The following VRK1 variants were observed in gnomAD, a reference collection of about 807,000 sequenced individuals.
VRK1 encodes serine/threonine-protein kinase VRK1.
In VRK1, 33 loss-of-function variants were observed where a neutral mutation model predicts 57.1. The ratio of observed to expected loss-of-function variants is 0.58; its 90% CI spans 0.44 to 0.77. The LOEUF (loss-of-function observed/expected upper bound fraction) is 0.77. Among genes scored for constraint, VRK1 ranks in the 30% least tolerant of loss-of-function variants. The probability of loss-of-function intolerance (pLI) is 0.00; values close to 1 mark genes in which losing one functional copy is unlikely to be tolerated. For missense variants in VRK1, 413 were observed against 477.3 expected (o/e 0.87, Z 1.25); for synonymous variants, 137 against 147.8 (o/e 0.93, Z 0.53).
chr14:96,838,944 CTT>C (rs1887337741), intron 3 of VRK1, among the ~76,000 whole-genome samples: 9 of 152,162 alleles, frequency 5.9e-5, no homozygotes, highest in African/African-American at 2.2e-4. Flanking sequence ...AGTTTGAAGA[CTT>C]TTGACAAGCA....
At chr14:96,833,426 T>A (rs1257393873) in intron 1 of VRK1, 41 bp from the exon 2 acceptor site, 16 of 1,610,762 alleles carry the variant, frequency 9.9e-6, no homozygotes, top group Non-Finnish European at 1.4e-5. Flanking sequence ...TAAACACTTC[T>A]AAGATTAGAA....
chr14:96,864,380 A>G (rs1283488280), intron 11 of VRK1, among the ~76,000 whole-genome samples: 4 of 152,214 alleles, frequency 2.6e-5, no homozygotes, highest in African/African-American at 9.6e-5. Flanking sequence ...TAGTAATGGT[A>G]TCATATATTA....
Position 96,855,216 on chromosome 14 carries a change from A to T in VRK1, c.577-8A>T. On this transcript the variant is annotated splice_region_variant and splice_polypyrimidine_tract_variant and intron_variant, in intron 7 of 12. Transcript: ENST00000216639. ...CTTTAGTTTGTCTTGGTGCTTGGAAATTTATAGGTGTACTTGGTAGATTAT... is the reference window on the plus strand; with the variant it reads ...CTTTAGTTTGTCTTGGTGCTTGGAATTTTATAGGTGTACTTGGTAGATTAT... The T allele has an allele frequency of 6.2e-7, 1 of 1,613,870 alleles. No homozygotes were observed. Among genetic ancestry groups the T allele is most frequent in the East Asian group, 2.2e-5 (1 of 44,858 alleles).
chr14:96,838,714 A>G (rs1044946521), intron 3 of VRK1, among the ~76,000 whole-genome samples: 1 of 152,198 alleles, frequency 6.6e-6, no homozygotes, highest in Non-Finnish European at 1.5e-5. Context: ...CTACTATCCA[A>G]GATGAGATTT....
chr14:96,846,502 T>C (rs553114665), intron 4 of VRK1, among the ~76,000 whole-genome samples: 10 of 152,274 alleles, frequency 6.6e-5, no homozygotes, highest in African/African-American at 2.2e-4. Flanking sequence ...TCTGTCCTTC[T>C]TCCATGTCTC....
At chr14:96,849,049 A>T (rs1461674014) in intron 5 of VRK1, among the ~76,000 whole-genome samples, 1 of 152,152 alleles carries the variant, frequency 6.6e-6, no homozygotes, top group Non-Finnish European at 1.5e-5. Flanking sequence ...GAAGGAAATA[A>T]ACTTGGAGAA....
At chr14:96,844,915 G>A (rs1320005182) in intron 3 of VRK1, among the ~76,000 whole-genome samples, 1 of 152,174 alleles carries the variant, frequency 6.6e-6, no homozygotes, top group African/African-American at 2.4e-5. Context: ...AATTAGAGCA[G>A]AGAGTATGGA....
intron 1 of VRK1, among the ~76,000 whole-genome samples, chr14:96,797,847 G>A (rs1050103500): frequency 2.6e-5 from 4 of 152,242 alleles, no homozygotes; most frequent in Non-Finnish European, 5.9e-5. Context: ...CTGCCCCGCA[G>A]AGCTCACTCT....
chr14:96,849,782 G>A (rs1887877092), intron 5 of VRK1, among the ~76,000 whole-genome samples: 1 of 152,124 alleles, frequency 6.6e-6, no homozygotes, highest in Admixed American at 6.6e-5. Flanking sequence ...GAGAATGATG[G>A]TCTTTTTAAA....
intron 1 of VRK1, among the ~76,000 whole-genome samples, chr14:96,811,243 A>G (rs1389195894): frequency 6.6e-6 from 1 of 152,072 alleles, no homozygotes; most frequent in African/African-American, 2.4e-5. Context: ...TGATCTTACT[A>G]ATATACTGTG....
At chr14:96,849,949 G>C (rs1419199666) in intron 5 of VRK1, among the ~76,000 whole-genome samples, 1 of 152,184 alleles carries the variant, frequency 6.6e-6, no homozygotes, top group Non-Finnish European at 1.5e-5. Flanking sequence ...TAAGCTGACT[G>C]ACTTGGGCAC....
At chr14:96,834,915 G>A (rs1170215496) in intron 2 of VRK1, among the ~76,000 whole-genome samples, 2 of 152,084 alleles carry the variant, frequency 1.3e-5, no homozygotes, top group Non-Finnish European at 2.9e-5. Flanking sequence ...GTGGACTTAT[G>A]CCATCCTGTA....
intron 12 of VRK1, among the ~76,000 whole-genome samples, chr14:96,876,582 T>G (rs1355474863): frequency 2.0e-5 from 3 of 152,174 alleles, no homozygotes; most frequent in African/African-American, 7.2e-5. Context: ...CAGGCCAATG[T>G]CTTTCCACTT....
At chr14:96,818,921 GATTCTGT>G (rs1297314579) in intron 1 of VRK1, among the ~76,000 whole-genome samples, 1 of 152,152 alleles carries the variant, frequency 6.6e-6, no homozygotes, top group African/African-American at 2.4e-5. Flanking sequence ...ATAAACTCAA[GATTCTGT>G]ATTTTATTTT....
chr14:96,825,994 G>GT (rs146313199), intron 1 of VRK1, among the ~76,000 whole-genome samples: 13,537 of 152,140 alleles, frequency 0.089, 759 homozygotes, highest in South Asian at 0.15. Context: ...CTCATTAAGT[G>GT]TAAGTGTCAT....
intron 1 of VRK1, among the ~76,000 whole-genome samples, chr14:96,828,208 A>G (rs1372536893): frequency 6.6e-6 from 1 of 152,198 alleles, no homozygotes; most frequent in African/African-American, 2.4e-5. Flanking sequence ...TAAAGCTGTT[A>G]TCATTCTTGT....
chr14:96,879,789 C>T (rs1383702217), intron 12 of VRK1, among the ~76,000 whole-genome samples: 1 of 151,864 alleles, frequency 6.6e-6, no homozygotes, highest in South Asian at 2.1e-4. Flanking sequence ...ATTACCTGGG[C>T]GTGGTGACAG....
intron 1 of VRK1, among the ~76,000 whole-genome samples, chr14:96,816,204 G>GC (rs367819947): frequency 1.7e-4 from 26 of 152,216 alleles, no homozygotes; most frequent in African/African-American, 6.3e-4. Context: ...TCACCGGTAG[G>GC]CCATGTTCTC....
chr14:96,877,109 T>C (rs1029900391), intron 12 of VRK1, among the ~76,000 whole-genome samples: 1 of 152,056 alleles, frequency 6.6e-6, no homozygotes, highest in Non-Finnish European at 1.5e-5. Context: ...TCCTGAAATA[T>C]TTCTTGGTTG....
Sources: allele counts gnomAD v4.1 joint callset (sites outside exome capture counted in the v4.1 genomes callset), GRCh38; gene constraint gnomAD v4.1.1; transcripts MANE v1.5; gene names NCBI Gene and HGNC (gene_info 2026-07-23, HGNC 2026-07-21).